Variants in PDE10A observed in about 807,000 individuals in gnomAD.
PDE10A encodes cAMP and cAMP-inhibited cGMP 3',5'-cyclic phosphodiesterase 10A.
PDE10A carries 39 observed loss-of-function variants against 97.7 expected under a neutral mutation model. The ratio of observed to expected loss-of-function variants is 0.40; its 90% confidence interval spans 0.31 to 0.52. The LOEUF (loss-of-function observed/expected upper bound fraction) is 0.52, where lower values mean the gene tolerates loss of function less well. PDE10A is among the 20% of genes least tolerant of loss of function. The probability of loss-of-function intolerance (pLI) is 0.56; values close to 1 mark genes in which losing one functional copy is unlikely to be tolerated. For synonymous variants in PDE10A, 371 were observed against 376.8 expected, an observed-to-expected ratio of 0.98 and a Z score of 0.18; for missense variants, 731 against 1,047.8, an observed-to-expected ratio of 0.70 and a Z score of 4.17.
intron 1 of PDE10A, among the ~76,000 whole-genome samples, chr6:165,782,795 C>T (rs1039174156): frequency 6.6e-6 from 1 of 152,178 alleles, no homozygotes; most frequent in Non-Finnish European, 1.5e-5. Context: ...TGCATGGTGA[C>T]TTAATGGGTA....
intron 1 of PDE10A, among the ~76,000 whole-genome samples, chr6:165,943,142 GGA>G (rs143901978): frequency 1.9e-4 from 17 of 91,356 alleles, no homozygotes; most frequent in South Asian, 4.1e-4. Context: ...AGGCAAGAGA[GGA>G]GAGAGAGAGA....
In PDE10A at chr6:165,418,594, A is replaced by G. The variant is rs755769160; in HGVS notation, c.1796+41T>C. ...AAAATGGGTAACGGAACGCCTGCAC[A>G]TCTACCGTAAGAGGATAGGACATTC... is the stretch of plus-strand genomic sequence containing the variant. On this transcript the variant is annotated intron_variant, in intron 11 of 21. Transcript: ENST00000539869. This position sits in a 1 kb window ranked among gnomAD's most constrained non-coding sequence, Gnocchi z 4.8. The G allele has an allele frequency of 3.0e-5, 48 of 1,590,114 alleles. No individual in the cohort carries two copies. Among genetic ancestry groups the G allele is most frequent in the Non-Finnish European group, 4.0e-5 (47 of 1,167,866 alleles).
intron 1 of PDE10A, among the ~76,000 whole-genome samples, chr6:165,933,358 C>T (rs1014378510): frequency 1.3e-5 from 2 of 152,132 alleles, no homozygotes; most frequent in Admixed American, 6.5e-5. Flanking sequence ...AGCACCTTGC[C>T]TGGTAGCTAG....
At position 165,890,219 on chromosome 6, in the gene PDE10A, C is replaced by T. The variant is rs1258874503; in HGVS notation, c.-615+97310G>A. ...TTGTCATCATGCAAGTAAAAAGTCA[C>T]CCCCAGACTTTCCCCACGTGCGGAG... On this transcript the variant is annotated intron_variant, in intron 1 of 19. Transcript: ENST00000366882. 4.6e-5 allele frequency among the ~76,000 whole-genome samples: 7 copies of T among 151,564 alleles called. No individual in the cohort carries two copies. The East Asian group carries it at 1.4e-3, about 29-fold the overall frequency.
At chr6:165,501,286 G>T (rs1780864183) in intron 2 of PDE10A, among the ~76,000 whole-genome samples, 1 of 152,180 alleles carries the variant, frequency 6.6e-6, no homozygotes, top group South Asian at 2.1e-4. Flanking sequence ...AGGAGGCCAG[G>T]CGCAGTGGCT....
At position 165,332,057 on chromosome 6, in the gene PDE10A, C is replaced by T. The variant is rs1781372657; in HGVS notation, c.*968G>A. 6.6e-6 allele frequency: 1 copy of T among 152,078 alleles called. No homozygotes were observed. The highest frequency in any genetic ancestry group is 2.1e-4 in the South Asian group (1 of 4,826). 9.4% of individuals were successfully genotyped at this position (152,078 alleles called of 1,614,324 possible). ...AGAACTGTATGGTATTTTAATTAAACAATGTTTAAAATAAACTTTTCATTG... is the reference window on the plus strand; with the variant it reads ...AGAACTGTATGGTATTTTAATTAAATAATGTTTAAAATAAACTTTTCATTG... On this transcript the variant is annotated 3_prime_UTR_variant, in exon 22 of 22. Transcript: ENST00000539869.
rs1057457214 is a variant in PDE10A, at chr6:165,622,746, C to G, written c.865+39201G>C. On this transcript the variant is annotated intron_variant, in intron 1 of 21. Coordinates refer to ENST00000539869, the MANE Select transcript of PDE10A (RefSeq NM_001385079.1). The stretch of plus-strand genomic sequence containing the variant: ...AGAAACCCTGTAAAGAAAGAAACTT[C>G]CTTTATAATCAATTTAGATGCCAAG... Among the ~76,000 whole-genome samples the G allele has an allele frequency of 2.6e-5, 4 of 152,140 alleles. No individual in the cohort carries two copies. The East Asian group carries it at 5.8e-4, about 22-fold the overall frequency.
intron 2 of PDE10A, among the ~76,000 whole-genome samples, chr6:165,535,452 A>G (rs1042231337): frequency 4.0e-5 from 6 of 151,824 alleles, no homozygotes; most frequent in African/African-American, 1.5e-4. Flanking sequence ...TTTAACTCCT[A>G]CTTATAAGTG....
upstream of PDE10A, among the ~76,000 whole-genome samples, chr6:165,664,946 A>G (rs895398596): frequency 6.6e-6 from 1 of 152,220 alleles, no homozygotes; most frequent in African/African-American, 2.4e-5. Flanking sequence ...GGCGCAGGAG[A>G]CAGGGTGGGA....
At chr6:165,486,523 C>T (rs1443163350) in intron 2 of PDE10A, among the ~76,000 whole-genome samples, 6 of 152,162 alleles carry the variant, frequency 3.9e-5, no homozygotes, top group South Asian at 2.1e-4. Flanking sequence ...AAAAATGTCA[C>T]GTGAACAACG....
At chr6:165,340,925 T>C (rs1377143443) in intron 19 of PDE10A, among the ~76,000 whole-genome samples, 2 of 152,196 alleles carry the variant, frequency 1.3e-5, no homozygotes, top group African/African-American at 4.8e-5. Context: ...ATTATTATCA[T>C]CCCTATCTCA....
At chr6:165,544,398 AC>A (rs1783628196) in intron 1 of PDE10A, among the ~76,000 whole-genome samples, 1 of 152,184 alleles carries the variant, frequency 6.6e-6, no homozygotes, top group Admixed American at 6.5e-5. Flanking sequence ...TTCATATCTC[AC>A]ATATAAAGTA....
intron 1 of PDE10A, among the ~76,000 whole-genome samples, chr6:165,578,285 T>G (rs953051357): frequency 6.6e-6 from 1 of 152,002 alleles, no homozygotes; most frequent in African/African-American, 2.4e-5. Context: ...CCATGACAAA[T>G]TAAGTCAAGA....
chr6:165,672,777 C>A (rs1019921031), intron 1 of PDE10A, among the ~76,000 whole-genome samples: 1 of 152,106 alleles, frequency 6.6e-6, no homozygotes, highest in Non-Finnish European at 1.5e-5. Context: ...TGTAAATTGC[C>A]CAGTCTCAGG....
At chr6:165,582,901 T>C (rs573709737) in intron 1 of PDE10A, among the ~76,000 whole-genome samples, 3 of 152,308 alleles carry the variant, frequency 2.0e-5, no homozygotes, top group Admixed American at 2.0e-4. Context: ...CACACAAGTA[T>C]GTTTTCCTGT....
intron 1 of PDE10A, among the ~76,000 whole-genome samples, chr6:165,641,745 C>G (rs865839614): frequency 6.6e-6 from 1 of 152,214 alleles, no homozygotes; most frequent in Admixed American, 6.5e-5. Flanking sequence ...CCTAGATGCC[C>G]TAGATGTTCC....
intron 1 of PDE10A, among the ~76,000 whole-genome samples, chr6:165,886,679 G>A (rs1430467666): frequency 6.6e-6 from 1 of 152,150 alleles, no homozygotes; most frequent in Non-Finnish European, 1.5e-5. Flanking sequence ...GGCTTGGTTT[G>A]GGGTTCAGAT....
At chr6:165,490,947 C>T (rs1780193239) in intron 2 of PDE10A, among the ~76,000 whole-genome samples, 1 of 152,104 alleles carries the variant, frequency 6.6e-6, no homozygotes, top group Admixed American at 6.6e-5. Flanking sequence ...AGAGCAAGAC[C>T]CAGTCTCCAA....
At chr6:165,536,643 G>T (rs1783103338) in intron 2 of PDE10A, among the ~76,000 whole-genome samples, 1 of 151,240 alleles carries the variant, frequency 6.6e-6, no homozygotes, top group South Asian at 2.1e-4. Flanking sequence ...CAAAAGATCT[G>T]AATAGGTATT....
Sources: allele counts gnomAD v4.1 joint callset (sites outside exome capture counted in the v4.1 genomes callset), GRCh38; gene constraint gnomAD v4.1.1; non-coding constraint Gnocchi (gnomAD v3.1); transcripts MANE v1.5; gene names NCBI Gene and HGNC (gene_info 2026-07-23, HGNC 2026-07-21).